The following LMO7 variants were observed in gnomAD, a reference collection of about 807,000 sequenced individuals.
LMO7 encodes the protein LIM domain 7.
LMO7 carries 120 observed loss-of-function variants against 206.5 expected under a neutral mutation model. The observed-to-expected ratio is 0.58, with a 90% CI of 0.50 to 0.68. The LOEUF (loss-of-function observed/expected upper bound fraction) is 0.68, where lower values mean the gene tolerates loss of function less well. LMO7 is among the 30% of genes least tolerant of loss of function. The pLI is 0.00. For synonymous variants in LMO7, 706 were observed against 681.5 expected (o/e 1.04, Z -0.56); for missense variants, 1,959 against 1,957.9 (o/e 1.00, Z -0.01).
intron 2 of LMO7, among the ~76,000 whole-genome samples, chr13:75,714,366 G>A (rs948791301): frequency 3.3e-5 from 5 of 152,078 alleles, no homozygotes; most frequent in African/African-American, 1.2e-4. Flanking sequence ...TTTTATAAAC[G>A]ATCAAACTTT....
intron 1 of LMO7, among the ~76,000 whole-genome samples, chr13:75,658,537 A>G (rs1443482648): frequency 6.6e-6 from 1 of 152,124 alleles, no homozygotes; most frequent in Admixed American, 6.5e-5. Context: ...TAGGAACTTC[A>G]TAGTTTTTGC....
At chr13:75,640,826 G>A (rs183602150) in intron 1 of LMO7, among the ~76,000 whole-genome samples, 6 of 152,280 alleles carry the variant, frequency 3.9e-5, no homozygotes, top group South Asian at 2.1e-4. Flanking sequence ...CAGTTGTTTG[G>A]TTGGAACCTG....
At chr13:75,764,395 A>G (rs952343452) in intron 4 of LMO7, among the ~76,000 whole-genome samples, 1 of 152,146 alleles carries the variant, frequency 6.6e-6, no homozygotes, top group Non-Finnish European at 1.5e-5. Flanking sequence ...CAGGCCTTCC[A>G]TAAAAGGGCT....
At chr13:75,850,898 C>T (rs1285609414) in intron 27 of LMO7, among the ~76,000 whole-genome samples, 6 of 151,928 alleles carry the variant, frequency 3.9e-5, no homozygotes, top group Non-Finnish European at 5.9e-5. Context: ...ATTTGCTGTC[C>T]CCTGTAGCTG....
chr13:75,781,265 T>C (rs1268746804), intron 4 of LMO7, among the ~76,000 whole-genome samples: 3 of 127,824 alleles, frequency 2.3e-5, no homozygotes, highest in African/African-American at 8.9e-5. Flanking sequence ...CTCCCAATGC[T>C]ATCCCTCCCC....
chr13:75,720,152 G>T (rs1265349124), intron 2 of LMO7, among the ~76,000 whole-genome samples: 2 of 152,122 alleles, frequency 1.3e-5, no homozygotes, highest in Non-Finnish European at 2.9e-5. Context: ...TGAGGTGTCT[G>T]TTAAGGTCTT....
At chr13:75,653,152 C>A (rs1412646298) in intron 1 of LMO7, among the ~76,000 whole-genome samples, 1 of 152,122 alleles carries the variant, frequency 6.6e-6, no homozygotes, top group East Asian at 1.9e-4. Flanking sequence ...TCTTAAACTT[C>A]TGAAGAAAAC....
intron 11 of LMO7, among the ~76,000 whole-genome samples, chr13:75,812,646 GAA>G (rs2056530225): frequency 6.6e-6 from 1 of 152,120 alleles, no homozygotes; most frequent in East Asian, 1.9e-4. Context: ...CATAGTGGGA[GAA>G]GAGAGTAAGA....
At chr13:75,754,845 G>A (rs1016053541) in intron 3 of LMO7, among the ~76,000 whole-genome samples, 1 of 152,178 alleles carries the variant, frequency 6.6e-6, no homozygotes, top group African/African-American at 2.4e-5. Flanking sequence ...ACACCAGTGT[G>A]AGAATATTCA....
rs148532525 is a variant in LMO7 at position 75,818,127 on chromosome 13, A to G, written c.2064+849A>G. Among the ~76,000 whole-genome samples the G allele has an allele frequency of 2.6e-4, 40 of 152,320 alleles. 1 individual carries two copies. The highest frequency in any genetic ancestry group is 9.6e-4 in the African/African-American group (40 of 41,566). ...AGTGCCTCTTTTAATTGGGAACTCA[A>G]TTTAATTGTCAAGAAACAGTAATTC... On this transcript the variant is annotated intron_variant, in intron 12 of 30. Coordinates refer to ENST00000377534, the MANE Select transcript of LMO7 (RefSeq NM_001306080.2).
chr13:75,809,053 T>C, intron 10 of LMO7, 101 bp from the exon 11 acceptor site: 1 of 851,936 alleles, frequency 1.2e-6, no homozygotes, highest in Non-Finnish European at 2.0e-6. Flanking sequence ...TTGAGATTTG[T>C]CCGTCTCCAG....
chr13:75,757,790 C>CTGTGTGTGTG (rs57536883), intron 3 of LMO7, among the ~76,000 whole-genome samples: 3 of 143,444 alleles, frequency 2.1e-5, no homozygotes, highest in East Asian at 2.0e-4. Flanking sequence ...CTCATTGTTT[C>CTGTGTGTGTG]TGTGTGTGTG....
At chr13:75,699,438 G>A (rs2042128927) in intron 1 of LMO7, among the ~76,000 whole-genome samples, 1 of 148,956 alleles carries the variant, frequency 6.7e-6, no homozygotes. Flanking sequence ...AGTATCAAGG[G>A]AACCAGCCCC....
intron 2 of LMO7, among the ~76,000 whole-genome samples, chr13:75,624,949 T>C (rs2033835448): frequency 6.6e-6 from 1 of 152,196 alleles, no homozygotes; most frequent in African/African-American, 2.4e-5. Context: ...GTAGAAGTGA[T>C]GGGAACAGTG....
intron 3 of LMO7, among the ~76,000 whole-genome samples, chr13:75,759,507 CAAAAT>C (rs895974839): frequency 9.9e-5 from 15 of 152,070 alleles, no homozygotes; most frequent in South Asian, 2.1e-4. Context: ...AAATGAAAAA[CAAAAT>C]AAACACCTTT....
intron 6 of LMO7, 140 bp downstream of exon 6, chr13:75,796,889 G>A: frequency 1.6e-6 from 1 of 615,542 alleles, no homozygotes; most frequent in Non-Finnish European, 2.9e-6. Context: ...TATCAATTGG[G>A]CTGAGTAAAG....
intron 5 of LMO7, among the ~76,000 whole-genome samples, chr13:75,796,098 G>C (rs1410794861): frequency 6.6e-6 from 1 of 152,182 alleles, no homozygotes. Flanking sequence ...TTTTATAGGA[G>C]TAAATAGGAA....
At chr13:75,761,790 A>C (rs1337878983) in intron 4 of LMO7, among the ~76,000 whole-genome samples, 1 of 152,134 alleles carries the variant, frequency 6.6e-6, no homozygotes, top group Non-Finnish European at 1.5e-5. Flanking sequence ...AAAATTATTT[A>C]ATTTTATAAT....
chr13:75,822,863 G>A (rs574270321), intron 14 of LMO7, among the ~76,000 whole-genome samples: 229 of 144,530 alleles, frequency 1.6e-3, no homozygotes, highest in African/African-American at 5.7e-3. Flanking sequence ...GCTCCAGCAA[G>A]CCTACTTTTG....
Sources: gnomAD v4.1 joint callset for allele counts (sites outside exome capture counted in the v4.1 genomes callset) on GRCh38, gnomAD v4.1.1 for gene constraint, MANE v1.5 for transcripts, NCBI Gene and HGNC (gene_info 2026-07-23, HGNC 2026-07-21) for gene names.